Variants in CADM2 observed in about 807,000 individuals in gnomAD.
CADM2 encodes immunoglobulin superfamily member 4D.
CADM2 carries 12 observed loss-of-function variants against 49.8 expected under a neutral mutation model. The observed-to-expected ratio is 0.24, with a 90% CI of 0.15 to 0.39. The LOEUF (loss-of-function observed/expected upper bound fraction) is 0.39, where lower values mean the gene tolerates loss of function less well. Among genes scored for constraint, CADM2 ranks in the 10% least tolerant of loss-of-function variants. The probability of loss-of-function intolerance (pLI) is 1.00; values close to 1 mark genes in which losing one functional copy is unlikely to be tolerated. For synonymous variants in CADM2, 214 were observed against 175.4 expected, an observed-to-expected ratio of 1.22 and a Z score of -1.74; for missense variants, 378 against 492.3, an observed-to-expected ratio of 0.77 and a Z score of 2.20.
At chr3:85,955,713 T>G (rs1393396340) in intron 7 of CADM2, among the ~76,000 whole-genome samples, 2 of 151,502 alleles carry the variant, frequency 1.3e-5, no homozygotes, top group Non-Finnish European at 3.0e-5. Context: ...CTGAGAGACT[T>G]GTGGCAATAC....
Position 85,474,840 on chromosome 3 carries a change from A to T in CADM2, c.62-251682A>T, listed in dbSNP as rs753775962. Among the ~76,000 whole-genome samples, 22 of 151,954 alleles carry T rather than the reference A, an allele frequency of 1.4e-4. 1 individual carries two copies. The South Asian group carries it at 1.9e-3, about 13-fold the overall frequency. Reference sequence around the variant, plus strand: ...TTATCATTGTAAAATGACAGAGCTTATATGTGCCATGGCTGTAAATGGTCA... The same window carrying T: ...TTATCATTGTAAAATGACAGAGCTTTTATGTGCCATGGCTGTAAATGGTCA... On this transcript the variant is annotated intron_variant, in intron 1 of 9. Transcript: ENST00000383699.
At chr3:85,107,244 C>T (rs2038262857) in intron 1 of CADM2, among the ~76,000 whole-genome samples, 1 of 151,566 alleles carries the variant, frequency 6.6e-6, no homozygotes, top group African/African-American at 2.4e-5. Flanking sequence ...AAAAGTTTTG[C>T]AAAAAACGGG....
intron 1 of CADM2, among the ~76,000 whole-genome samples, chr3:85,272,795 A>G (rs890445620): frequency 6.6e-6 from 1 of 151,306 alleles, no homozygotes; most frequent in African/African-American, 2.4e-5. Flanking sequence ...ATAAATACTT[A>G]TCAGTCTCCT....
chr3:85,139,739 A>T lies in CADM2; in HGVS notation c.61+180071A>T, dbSNP rs115053903. On this transcript the variant is annotated intron_variant, in intron 1 of 9. Coordinates refer to ENST00000383699, the MANE Select transcript of CADM2 (RefSeq NM_001167675.2). Reference sequence around the variant, plus strand: ...TGATATCTGATGTTAACTAATGAAGAATTGTGTCCATTTTTATGGGATTTG... The same window carrying T: ...TGATATCTGATGTTAACTAATGAAGTATTGTGTCCATTTTTATGGGATTTG... 4.7e-3 allele frequency among the ~76,000 whole-genome samples: 714 copies of T among 152,288 alleles called. 6 individuals carry two copies. The highest frequency in any genetic ancestry group is 0.017 in the African/African-American group (692 of 41,564).
intron 1 of CADM2, among the ~76,000 whole-genome samples, chr3:85,433,645 C>T (rs908415141): frequency 1.3e-5 from 2 of 152,096 alleles, no homozygotes; most frequent in African/African-American, 4.8e-5. Flanking sequence ...AAGATGAATT[C>T]TGATTTGCAT....
intron 3 of CADM2, among the ~76,000 whole-genome samples, chr3:85,811,828 G>A (rs968936058): frequency 1.3e-5 from 2 of 149,952 alleles, no homozygotes; most frequent in African/African-American, 4.9e-5. Flanking sequence ...AATGCAAAGA[G>A]TGACCAGTTT....
intron 1 of CADM2, among the ~76,000 whole-genome samples, chr3:85,446,850 C>A (rs1194939226): frequency 6.7e-6 from 1 of 150,012 alleles, no homozygotes; most frequent in Non-Finnish European, 1.5e-5. Context: ...GATCCTCCCA[C>A]CCTGGCCTCC....
intron 1 of CADM2, among the ~76,000 whole-genome samples, chr3:85,215,001 C>T (rs1356420567): frequency 6.6e-6 from 1 of 152,070 alleles, no homozygotes; most frequent in Non-Finnish European, 1.5e-5. Context: ...CTTTAATCTT[C>T]CTTCTCCTTT....
intron 1 of CADM2, among the ~76,000 whole-genome samples, chr3:85,475,200 G>A (rs2038928614): frequency 6.6e-6 from 1 of 151,888 alleles, no homozygotes; most frequent in Non-Finnish European, 1.5e-5. Context: ...GGAATAGTGA[G>A]CATAAAATTC....
rs186889199 is a variant in CADM2, at chr3:85,131,155, G to A, written c.61+171487G>A. Among the ~76,000 whole-genome samples, 819 of 152,000 alleles carry A rather than the reference G, an allele frequency of 5.4e-3. 11 individuals carry two copies. The highest frequency in any genetic ancestry group is 0.019 in the African/African-American group (784 of 41,434). On this transcript the variant is annotated intron_variant, in intron 1 of 9. Coordinates refer to ENST00000383699, the MANE Select transcript of CADM2 (RefSeq NM_001167675.2). ...GATCGTGCCATTGCACTCCAGCCTG[G>A]GCAACAAGAGTGAAACTCCGTCTCA...
At chr3:85,126,315 C>A (rs1279013499) in intron 1 of CADM2, among the ~76,000 whole-genome samples, 1 of 151,890 alleles carries the variant, frequency 6.6e-6, no homozygotes, top group African/African-American at 2.4e-5. Flanking sequence ...CAGGGAATAC[C>A]ACAGTGAAGT....
rs540339142 is a variant in CADM2, at chr3:85,424,458, A to G, written c.62-302064A>G. On this transcript the variant is annotated intron_variant, in intron 1 of 9. Coordinates refer to ENST00000383699, the MANE Select transcript of CADM2 (RefSeq NM_001167675.2). ...TGCCTGTATATTTATACATAAAACT[A>G]CTATTCTTAGTTGACAAGTATTAGG... Among the ~76,000 whole-genome samples, 39 of 152,144 alleles carry G rather than the reference A, an allele frequency of 2.6e-4. No individual in the cohort carries two copies. The South Asian group carries it at 7.7e-3, about 30-fold the overall frequency.
At chr3:85,933,024 A>G (rs1720789747) in intron 6 of CADM2, among the ~76,000 whole-genome samples, 1 of 152,126 alleles carries the variant, frequency 6.6e-6, no homozygotes, top group Non-Finnish European at 1.5e-5. Flanking sequence ...CCTCTCCTGT[A>G]CTGCTTAAAC....
intron 1 of CADM2, among the ~76,000 whole-genome samples, chr3:84,983,227 T>C (rs1408450315): frequency 1.3e-5 from 2 of 152,092 alleles, no homozygotes; most frequent in Non-Finnish European, 2.9e-5. Context: ...GATATAAAGT[T>C]TTTTTCATCT....
At chr3:85,608,408 C>T (rs896916234) in intron 1 of CADM2, among the ~76,000 whole-genome samples, 11 of 152,068 alleles carry the variant, frequency 7.2e-5, no homozygotes, top group Non-Finnish European at 1.6e-4. Context: ...TTAATAGTCA[C>T]ACTGCAAAAG....
chr3:85,211,891 T>C (rs1301851004), intron 1 of CADM2, among the ~76,000 whole-genome samples: 4 of 152,114 alleles, frequency 2.6e-5, no homozygotes, highest in Non-Finnish European at 4.4e-5. Flanking sequence ...AAGTCTCAGC[T>C]CCTATTGTTT....
chr3:85,094,939 A>T (rs899376974), intron 1 of CADM2, among the ~76,000 whole-genome samples: 1 of 152,168 alleles, frequency 6.6e-6, no homozygotes, highest in Non-Finnish European at 1.5e-5. Flanking sequence ...TAAATTAAGC[A>T]TTAATATGTG....
At position 85,700,850 on chromosome 3, in the gene CADM2, CTCT is replaced by C. The variant is rs544553985; in HGVS notation, c.62-25665_62-25663del. ...GTTCAAAATTTTCCCTCATCTTCCT[CTCT>C]TCTTCTGAGCTCTCCAAGGTTTTCC... On this transcript the variant is annotated intron_variant, in intron 1 of 9. Coordinates refer to ENST00000383699, the MANE Select transcript of CADM2 (RefSeq NM_001167675.2). Among the ~76,000 whole-genome samples the C allele has an allele frequency of 1.2e-4, 18 of 152,296 alleles. No individual in the cohort carries two copies. In the East Asian group the frequency reaches 3.1e-3, roughly 26 times the overall value.
intron 1 of CADM2, among the ~76,000 whole-genome samples, chr3:85,688,596 CT>C (rs2066286404): frequency 7.0e-6 from 1 of 143,332 alleles, no homozygotes; most frequent in South Asian, 2.2e-4. Context: ...GTGTTTCACT[CT>C]TGTCACCCAA....
Sources: gnomAD v4.1 joint callset for allele counts (sites outside exome capture counted in the v4.1 genomes callset) on GRCh38, gnomAD v4.1.1 for gene constraint, MANE v1.5 for transcripts, NCBI Gene and HGNC (gene_info 2026-07-23, HGNC 2026-07-21) for gene names.